CHST9: variants seen among roughly 807,000 people sequenced by gnomAD.
CHST9 encodes the protein carbohydrate sulfotransferase 9, also known as GalNAc-4-sulfotransferase 2.
Under a neutral mutation model 44.4 loss-of-function variants are expected in CHST9, and 41 were observed. That is an observed-to-expected ratio of 0.92 (90% CI 0.72 to 1.20). The LOEUF (loss-of-function observed/expected upper bound fraction) is 1.20. Ranked by LOEUF, CHST9 falls within the 50% of genes most tolerant of loss-of-function variation. The pLI, the probability that CHST9 is intolerant of heterozygous loss-of-function variation, is 0.00. For missense variants in CHST9, 504 were observed against 516.5 expected (o/e 0.98, Z 0.23); for synonymous variants, 171 against 178.4 (o/e 0.96, Z 0.33).
chr18:27,093,496 C>T (rs1195690446), intron 2 of CHST9, among the ~76,000 whole-genome samples: 1 of 152,232 alleles, frequency 6.6e-6, no homozygotes. Context: ...GCAGATCGAT[C>T]TCAGACTGCT....
chr18:26,927,242 T>C (rs2055784978), intron 5 of CHST9, among the ~76,000 whole-genome samples: 2 of 152,132 alleles, frequency 1.3e-5, no homozygotes, highest in South Asian at 2.1e-4. Flanking sequence ...GTGTGTGTTA[T>C]GGCCATGGAT....
intron 3 of CHST9, among the ~76,000 whole-genome samples, chr18:27,038,135 T>C (rs1192655597): frequency 6.6e-6 from 1 of 152,210 alleles, no homozygotes; most frequent in Non-Finnish European, 1.5e-5. Flanking sequence ...CTTATGAAAA[T>C]GACAAGAATT....
rs531295788 is a variant in CHST9 at position 27,162,798 on chromosome 18, T to G, written c.-96-19893A>C. ...CGGAGTAGTTTGATCGTCTGAAGCC[T>G]TCTTCTCTCAAGTCGTCAAAGTCAT... On this transcript the variant is annotated intron_variant, in intron 1 of 5. Coordinates refer to ENST00000618847, the MANE Select transcript of CHST9 (RefSeq NM_031422.6). Among the ~76,000 whole-genome samples, 26 of 152,366 alleles carry G rather than the reference T, an allele frequency of 1.7e-4. No homozygotes were observed. In the South Asian group the frequency reaches 5.0e-3, roughly 29 times the overall value.
intron 2 of CHST9, among the ~76,000 whole-genome samples, chr18:27,050,414 C>T (rs1450845672): frequency 6.6e-6 from 1 of 151,958 alleles, no homozygotes; most frequent in Admixed American, 6.6e-5. Context: ...TTTTTTTTGT[C>T]ATCTATCAAC....
intron 4 of CHST9, among the ~76,000 whole-genome samples, chr18:27,013,854 T>C (rs1207824841): frequency 1.3e-5 from 2 of 152,198 alleles, no homozygotes; most frequent in African/African-American, 2.4e-5. Flanking sequence ...ATGTAGAAAA[T>C]GTAAACTAAT....
chr18:27,077,897 C>A (rs1171869700), intron 2 of CHST9, among the ~76,000 whole-genome samples: 2 of 151,928 alleles, frequency 1.3e-5, no homozygotes, highest in Non-Finnish European at 2.9e-5. Context: ...TTTGGGGAGG[C>A]CTCAGGAAAC....
At chr18:27,168,114 G>T (rs1036234888) in intron 1 of CHST9, among the ~76,000 whole-genome samples, 4 of 142,016 alleles carry the variant, frequency 2.8e-5, no homozygotes, top group African/African-American at 1.1e-4. Flanking sequence ...TTGCTCTGTC[G>T]CGCAGGCTGG....
At chr18:27,179,878 T>C (rs183784038) in intron 1 of CHST9, among the ~76,000 whole-genome samples, 1 of 152,238 alleles carries the variant, frequency 6.6e-6, no homozygotes, top group Admixed American at 6.5e-5. Flanking sequence ...TTTTCAAGTA[T>C]TTTACTTATT....
chr18:27,116,650 C>T (rs1365636140), intron 2 of CHST9, among the ~76,000 whole-genome samples: 1 of 152,168 alleles, frequency 6.6e-6, no homozygotes, highest in African/African-American at 2.4e-5. Context: ...GGGATTTTAA[C>T]AGCAAGTATG....
intron 1 of CHST9, among the ~76,000 whole-genome samples, chr18:27,147,256 G>A (rs947340167): frequency 2.6e-5 from 4 of 151,828 alleles, no homozygotes; most frequent in East Asian, 1.9e-4. Flanking sequence ...TAGTAGATAC[G>A]GGGTTTCTCC....
In CHST9 at chr18:27,113,121, G is replaced by A. The variant is rs1034741823; in HGVS notation, c.121+29568C>T. Among the ~76,000 whole-genome samples, 26 of 151,584 alleles carry A rather than the reference G, an allele frequency of 1.7e-4. No individual in the cohort carries two copies. The South Asian group carries it at 1.9e-3, about 11-fold the overall frequency. ...GGAGAATGGCATGAACCCGGGAGGC[G>A]GAACTTGCAGTAAGCGGAGATCACG... On this transcript the variant is annotated intron_variant, in intron 2 of 5. Coordinates refer to ENST00000618847, the MANE Select transcript of CHST9 (RefSeq NM_031422.6).
intron 2 of CHST9, among the ~76,000 whole-genome samples, chr18:27,049,229 G>A (rs986214924): frequency 7.2e-5 from 11 of 152,048 alleles, no homozygotes; most frequent in Non-Finnish European, 1.5e-4. Flanking sequence ...GCAAGAGACC[G>A]GGGGGAGGCC....
chr18:27,143,683 A>T (rs1272275554), intron 1 of CHST9, among the ~76,000 whole-genome samples: 1 of 152,138 alleles, frequency 6.6e-6, no homozygotes, highest in Non-Finnish European at 1.5e-5. Flanking sequence ...TCTTACATAA[A>T]ATGCCAAAGT....
intron 1 of CHST9, among the ~76,000 whole-genome samples, chr18:27,175,098 C>A (rs1289777089): frequency 6.6e-6 from 1 of 151,950 alleles, no homozygotes; most frequent in Admixed American, 6.6e-5. Context: ...CTATTTTATA[C>A]CTTGTTTGAA....
At chr18:26,926,279 T>C (rs2055766327) in intron 5 of CHST9, among the ~76,000 whole-genome samples, 2 of 152,242 alleles carry the variant, frequency 1.3e-5, no homozygotes, top group South Asian at 4.1e-4. Context: ...ATTGAAACTA[T>C]GGTTTTATTT....
intron 4 of CHST9, among the ~76,000 whole-genome samples, chr18:26,979,193 T>C (rs1486541355): frequency 1.3e-5 from 2 of 152,164 alleles, no homozygotes; most frequent in Admixed American, 1.3e-4. Context: ...TTGTGCCTTT[T>C]ATCTTCTTGC....
intron 1 of CHST9, among the ~76,000 whole-genome samples, chr18:27,155,570 A>G (rs556322986): frequency 4.6e-5 from 7 of 152,192 alleles, no homozygotes; most frequent in South Asian, 4.1e-4. Flanking sequence ...TTCTAGAACA[A>G]CTCATAACAA....
chr18:27,000,497 C>T (rs566959143), intron 4 of CHST9, among the ~76,000 whole-genome samples: 16 of 152,218 alleles, frequency 1.1e-4, no homozygotes, highest in Admixed American at 7.2e-4. Flanking sequence ...ATTAATTTGT[C>T]GGGCAAGTGA....
At chr18:27,184,172 A>G (rs1421512113) in intron 1 of CHST9, among the ~76,000 whole-genome samples, 1 of 152,134 alleles carries the variant, frequency 6.6e-6, no homozygotes, top group Non-Finnish European at 1.5e-5. Flanking sequence ...AATAGGGAGA[A>G]AAAAGTCACA....
Sources: allele counts gnomAD v4.1 joint callset (sites outside exome capture counted in the v4.1 genomes callset), GRCh38; gene constraint gnomAD v4.1.1; transcripts MANE v1.5; gene names NCBI Gene and HGNC (gene_info 2026-07-23, HGNC 2026-07-21).